GBF1: variants seen among roughly 807,000 people sequenced by gnomAD.
GBF1 encodes Golgi-specific brefeldin A-resistance guanine nucleotide exchange factor 1.
Under a neutral mutation model 210.5 loss-of-function variants are expected in GBF1, and 114 were observed. The observed-to-expected ratio is 0.54, with a 90% CI of 0.47 to 0.63. The LOEUF is 0.63. Ranked by LOEUF, GBF1 falls within the 30% of genes least tolerant of loss-of-function variation. The probability of loss-of-function intolerance (pLI) is 0.00; values close to 1 mark genes in which losing one functional copy is unlikely to be tolerated. For missense variants in GBF1, 1,851 were observed against 2,357.7 expected, an observed-to-expected ratio of 0.79 and a Z score of 4.45; for synonymous variants, 850 against 889.2, an observed-to-expected ratio of 0.96 and a Z score of 0.78.
At chr10:102,291,375 G>A (rs1156965845) in intron 3 of GBF1, among the ~76,000 whole-genome samples, 1 of 152,236 alleles carries the variant, frequency 6.6e-6, no homozygotes, top group South Asian at 2.1e-4. Flanking sequence ...TGGAGAGCAG[G>A]CTGTCCATGA....
chr10:102,261,277 TAC>T (rs141245760), intron 3 of GBF1, among the ~76,000 whole-genome samples: 80 of 150,464 alleles, frequency 5.3e-4, no homozygotes, highest in Admixed American at 3.2e-3. Context: ...TGTATATATA[TAC>T]ACACACACAC....
chr10:102,323,574 T>C (rs914076458), intron 3 of GBF1, among the ~76,000 whole-genome samples: 3 of 150,296 alleles, frequency 2.0e-5, no homozygotes, highest in Non-Finnish European at 4.4e-5. Context: ...TTTTTTTCTG[T>C]CTTTTTTTTT....
At chr10:102,237,576 G>A in the GBF1 span, among the ~76,000 whole-genome samples, 1 of 152,014 alleles carries the variant, frequency 6.6e-6, no homozygotes, top group African/African-American at 2.4e-5. Context: ...CTGAGCAACA[G>A]CCCTGAATAA....
At chr10:102,308,763 A>G (rs933306231) in intron 3 of GBF1, among the ~76,000 whole-genome samples, 17 of 151,780 alleles carry the variant, frequency 1.1e-4, no homozygotes, top group Non-Finnish European at 2.2e-4. Context: ...ATTAGGAGAT[A>G]CACCTAATGC....
At chr10:102,248,172 T>TG (rs1224387164) in intron 1 of GBF1, among the ~76,000 whole-genome samples, 1 of 152,202 alleles carries the variant, frequency 6.6e-6, no homozygotes, top group Non-Finnish European at 1.5e-5. Flanking sequence ...ATTCTGTTGT[T>TG]GGGTTAATGG....
intron 3 of GBF1, among the ~76,000 whole-genome samples, chr10:102,284,131 C>T (rs1050886243): frequency 9.9e-5 from 15 of 152,186 alleles, no homozygotes; most frequent in African/African-American, 3.6e-4. Flanking sequence ...AGAGGAGACA[C>T]GACAGGCTTT....
intron 1 of GBF1, among the ~76,000 whole-genome samples, chr10:102,252,093 A>G (rs1190653330): frequency 6.6e-6 from 1 of 152,158 alleles, no homozygotes; most frequent in African/African-American, 2.4e-5. Flanking sequence ...TAATCCCAGC[A>G]CTTTGGGAGG....
intron 3 of GBF1, among the ~76,000 whole-genome samples, chr10:102,285,973 T>TAA (rs923385260): frequency 6.6e-6 from 1 of 151,162 alleles, no homozygotes; most frequent in Non-Finnish European, 1.5e-5. Flanking sequence ...TTGGTTGCTT[T>TAA]AAAAAAAAAG....
intron 3 of GBF1, among the ~76,000 whole-genome samples, chr10:102,303,141 C>T (rs2077538082): frequency 6.6e-6 from 1 of 152,042 alleles, no homozygotes; most frequent in Non-Finnish European, 1.5e-5. Flanking sequence ...GTGCATGCCA[C>T]CACACCCAGC....
intron 1 of GBF1, among the ~76,000 whole-genome samples, chr10:102,249,362 T>A (rs1391724652): frequency 1.3e-5 from 2 of 152,170 alleles, no homozygotes; most frequent in African/African-American, 4.8e-5. Flanking sequence ...AGGGACAGCT[T>A]TGGACATATT....
At chr10:102,373,356 C>T (rs964420789) in intron 29 of GBF1, among the ~76,000 whole-genome samples, 5 of 152,162 alleles carry the variant, frequency 3.3e-5, no homozygotes, top group African/African-American at 7.2e-5. Context: ...GGGTGGATCA[C>T]CTGAGGTCAG....
In GBF1 at chr10:102,375,293, TAGACA is replaced by T. The variant is rs1240033570; in HGVS notation, c.3661-65_3661-61del. 9 of 938,374 alleles carry T rather than the reference TAGACA, an allele frequency of 9.6e-6. No homozygotes were observed. In the East Asian group the frequency reaches 2.2e-4, roughly 22 times the overall value. The allele number at this position is 938,374 out of a possible 1,614,324, so 58.1% of individuals were successfully genotyped here. On this transcript the variant is annotated intron_variant, in intron 29 of 39. Transcript: ENST00000369983. ...TAAGGAGACTGGTGGGAAAGAAAAC[TAGACA>T]GGAAGCTGTGTGCCCACACAGCTCC... is the stretch of plus-strand genomic sequence containing the variant.
intron 4 of GBF1, among the ~76,000 whole-genome samples, chr10:102,350,930 A>G (rs2058923045): frequency 6.6e-6 from 1 of 151,804 alleles, no homozygotes; most frequent in African/African-American, 2.4e-5. Context: ...CTAAAAGTAC[A>G]AAAAAAATTA....
chr10:102,328,522 T>C (rs1205430975), intron 3 of GBF1, among the ~76,000 whole-genome samples: 1 of 152,150 alleles, frequency 6.6e-6, no homozygotes, highest in African/African-American at 2.4e-5. Context: ...CTTAGTCTTG[T>C]TGTCACTAAG....
chr10:102,355,492 G>T (rs2059242521), intron 8 of GBF1, among the ~76,000 whole-genome samples: 1 of 152,222 alleles, frequency 6.6e-6, no homozygotes, highest in Non-Finnish European at 1.5e-5. Flanking sequence ...CACACCTTCA[G>T]ACCTTAGGAG....
At chr10:102,292,261 A>G (rs2133678521) in intron 3 of GBF1, among the ~76,000 whole-genome samples, 1 of 152,260 alleles carries the variant, frequency 6.6e-6, no homozygotes, top group South Asian at 2.1e-4. Context: ...TAAAATAAGA[A>G]AATTCTGGAA....
intron 3 of GBF1, among the ~76,000 whole-genome samples, chr10:102,339,021 G>T (rs1425189087): frequency 6.6e-6 from 1 of 151,996 alleles, no homozygotes; most frequent in Non-Finnish European, 1.5e-5. Context: ...AACACTGAAT[G>T]ATATTGGAAA....
At chr10:102,276,448 C>G (rs2133377536) in intron 3 of GBF1, among the ~76,000 whole-genome samples, 1 of 150,566 alleles carries the variant, frequency 6.6e-6, no homozygotes. Context: ...ATCGCTTGAA[C>G]CTGGGAGGTG....
chr10:102,321,798 G>A (rs1184423113), intron 3 of GBF1, among the ~76,000 whole-genome samples: 2 of 152,160 alleles, frequency 1.3e-5, no homozygotes, highest in East Asian at 3.9e-4. Context: ...CTGAACTCAA[G>A]TGATCTGCCC....
Sources: allele counts gnomAD v4.1 joint callset (sites outside exome capture counted in the v4.1 genomes callset), GRCh38; gene constraint gnomAD v4.1.1; transcripts MANE v1.5; gene names NCBI Gene and HGNC (gene_info 2026-07-23, HGNC 2026-07-21).